The following ZNF160 variants were observed in gnomAD, a reference collection of about 807,000 sequenced individuals.
ZNF160 encodes the protein zinc finger protein 160.
ZNF160 carries 9 observed loss-of-function variants against 13.1 expected under a neutral mutation model. The observed-to-expected ratio is 0.69, with a 90% CI of 0.41 to 1.20. The LOEUF (loss-of-function observed/expected upper bound fraction) is 1.20. Ranked by LOEUF, ZNF160 falls within the 50% of genes most tolerant of loss-of-function variation. The pLI is 0.01. For missense variants in ZNF160, 838 were observed against 988.0 expected (o/e 0.85, Z 2.04); for synonymous variants, 293 against 333.2 (o/e 0.88, Z 1.31).
rs1385440409 is a variant in ZNF160, at chr19:53,067,989, C to A, written c.*88G>T. The A allele has an allele frequency of 1.6e-5, 24 of 1,505,788 alleles. No homozygotes were observed. In the African/African-American group the frequency reaches 2.6e-4, roughly 17 times the overall value. The allele number at this position is 1,505,788 out of a possible 1,614,324, so 93.3% of individuals were successfully genotyped here. A position where few individuals can be genotyped will look rare whatever the true frequency, so the allele number is the denominator to read the frequency against. ...AATGCTTCAACTCATGAGGGATTGG[C>A]CACTGTCACTACATTTGTAAGGATT... is the stretch of plus-strand genomic sequence containing the variant. On this transcript the variant is annotated 3_prime_UTR_variant, in exon 6 of 6. Transcript: ENST00000683776.
Position 53,069,486 on chromosome 19 carries a change from A to C in ZNF160, c.1048T>G (p.Phe350Val), listed in dbSNP as rs1338831757. 1 of 1,614,000 alleles carries C rather than the reference A, an allele frequency of 6.2e-7. No homozygotes were observed. The highest frequency in any genetic ancestry group is 2.2e-5 in the East Asian group (1 of 44,860). Residue 350 changes from phenylalanine to valine, a missense_variant, in exon 6 of 6, where the codon TTT (phenylalanine) becomes GTT (valine). By Grantham distance (50) the Phe-to-Val change is conservative. Coordinates refer to ENST00000683776, the MANE Select transcript of ZNF160 (RefSeq NM_001322131.2). The surrounding 1 kb of genome is among the most constrained non-coding windows in gnomAD (Gnocchi z 4.4). The part of the protein sequence containing the change: ...PYKCNECGKA[F>V]RGHSNLTTHQ... ...GTAGTTAGGTTTGAATGTCCTCTAA[A>C]GGCTTTTCCACACTCATTACACTTG...
intron 1 of ZNF160, among the ~76,000 whole-genome samples, chr19:53,103,061 C>T (rs1362840554): frequency 1.3e-5 from 2 of 152,054 alleles, no homozygotes; most frequent in African/African-American, 4.8e-5. Context: ...CCAGGGCAGG[C>T]GGTGAGGACT....
chr19:53,083,219 C>T (rs958545122), intron 3 of ZNF160, among the ~76,000 whole-genome samples: 5 of 152,122 alleles, frequency 3.3e-5, no homozygotes, highest in Admixed American at 1.3e-4. Context: ...ACTTAACCTT[C>T]GTCGCCTCTC....
At chr19:53,095,347 CCA>C (rs1333739050) in intron 1 of ZNF160, 2 of 151,604 alleles carry the variant, frequency 1.3e-5, no homozygotes, top group Non-Finnish European at 2.9e-5. Context: ...GAATCCGCTT[CCA>C]GTTTTCTCAC....
chr19:53,073,192 T>G (rs1230053756), intron 5 of ZNF160: 98 of 1,420,860 alleles, frequency 6.9e-5, no homozygotes, highest in Non-Finnish European at 8.7e-5. Flanking sequence ...TTTATTGGTT[T>G]AGATTCCAAA....
intron 4 of ZNF160, 46 bp downstream of exon 4, chr19:53,075,011 A>G (rs2084330595): frequency 6.2e-7 from 1 of 1,612,870 alleles, no homozygotes; most frequent in Admixed American, 1.7e-5. Flanking sequence ...AAAATGCAAC[A>G]ATAGACAAGA....
chr19:53,077,023 T>C (rs758868060), intron 3 of ZNF160: 1 of 152,112 alleles, frequency 6.6e-6, no homozygotes, highest in African/African-American at 2.4e-5. Flanking sequence ...AACACTGAAG[T>C]AACAGGACCC....
intron 3 of ZNF160, among the ~76,000 whole-genome samples, chr19:53,084,281 G>A (rs551707328): frequency 3.9e-5 from 6 of 152,220 alleles, no homozygotes; most frequent in Admixed American, 1.3e-4. Flanking sequence ...CCTCTCCTTA[G>A]TGCCATTCAT....
At chr19:53,086,947 T>C (rs2084858615) in intron 2 of ZNF160, among the ~76,000 whole-genome samples, 1 of 152,136 alleles carries the variant, frequency 6.6e-6, no homozygotes, top group Admixed American at 6.5e-5. Flanking sequence ...CCAGACTGGA[T>C]ATTGAAGGAG....
chr19:53,084,260 C>T (rs866502707), intron 3 of ZNF160, among the ~76,000 whole-genome samples: 1 of 152,364 alleles, frequency 6.6e-6, no homozygotes, highest in Middle Eastern at 3.4e-3. Context: ...GGGACACCCA[C>T]CTGCTCGCTT....
chr19:53,073,526 A>G (rs1248118639), intron 5 of ZNF160: 2 of 1,592,238 alleles, frequency 1.3e-6, no homozygotes, highest in East Asian at 2.2e-5. Flanking sequence ...CGCACAGGAA[A>G]TGGGGTGGAA....
At chr19:53,093,311 C>A (rs1048265076) in intron 1 of ZNF160, among the ~76,000 whole-genome samples, 11 of 152,070 alleles carry the variant, frequency 7.2e-5, no homozygotes, top group African/African-American at 2.7e-4. Context: ...GCGGTGGCAG[C>A]GCCTGTTATC....
Position 53,070,070 on chromosome 19 carries a change from A to C in ZNF160, c.464T>G (p.Val155Gly), listed in dbSNP as rs778750391. The change falls in exon 6 of 6, where the codon GTG (valine) becomes GGG (glycine). Residue 155 changes from valine (V) to glycine (G), a missense_variant. Physicochemically the swap from Val to Gly is moderately radical, Grantham distance 109. Around this residue, in one of 3 missense-constraint regions of ZNF160, gnomAD observed 387 missense variants for 402.3 expected, o/e 0.96. Transcript: ENST00000683776. ...TTTACCTTCTTTCTGGGCCATAAGC[A>C]CTCCCTTGTAATTTCCTGTGTCATC... ...WRDDTGNYKG[V>G]LMAQKEGKRD... The C allele has an allele frequency of 1.2e-6, 2 of 1,613,976 alleles. No homozygotes were observed. The highest frequency in any genetic ancestry group is 2.2e-5 in the East Asian group (1 of 44,850).
chr19:53,075,886 T>C, intron 3 of ZNF160: 1 of 504,344 alleles, frequency 2.0e-6, no homozygotes, highest in South Asian at 1.4e-5. Context: ...CATTAATGTG[T>C]GTGCGCTGTT....
At chr19:53,098,043 A>C (rs2085301229) in intron 1 of ZNF160, among the ~76,000 whole-genome samples, 1 of 152,144 alleles carries the variant, frequency 6.6e-6, no homozygotes, top group Non-Finnish European at 1.5e-5. Context: ...GAGTTTCCGA[A>C]TTAAATTCCT....
chr19:53,100,755 G>A (rs1329623646), intron 1 of ZNF160, among the ~76,000 whole-genome samples: 1 of 152,158 alleles, frequency 6.6e-6, no homozygotes, highest in Non-Finnish European at 1.5e-5. Context: ...AGCACTTTGG[G>A]AGGGATCACT....
chr19:53,097,333 C>T lies in ZNF160; in HGVS notation c.-353-5613G>A, dbSNP rs1867051. On this transcript the variant is annotated intron_variant, in intron 1 of 5. Coordinates refer to ENST00000683776, the MANE Select transcript of ZNF160 (RefSeq NM_001322131.2). Reference sequence around the variant, plus strand: ...CTCCCTCTTGAGTTGCACCCACAGACGCCCCCACAACAAACCCTCCCTAAT... The same window carrying T: ...CTCCCTCTTGAGTTGCACCCACAGATGCCCCCACAACAAACCCTCCCTAAT... 5.3e-3 allele frequency among the ~76,000 whole-genome samples: 794 copies of T among 148,620 alleles called. 3 individuals are homozygous for T. The highest frequency in any genetic ancestry group is 8.5e-3 in the Non-Finnish European group (573 of 67,336).
chr19:53,072,105 CT>C (rs66465576), intron 5 of ZNF160, among the ~76,000 whole-genome samples: 1,606 of 141,436 alleles, frequency 0.011, 12 homozygotes, highest in African/African-American at 0.031. Flanking sequence ...TTCTTTCTTT[CT>C]TTTTTTTTTT....
At chr19:53,098,436 C>T (rs1199207548) in intron 1 of ZNF160, among the ~76,000 whole-genome samples, 1 of 152,118 alleles carries the variant, frequency 6.6e-6, no homozygotes, top group Non-Finnish European at 1.5e-5. Flanking sequence ...GGACAGTGGG[C>T]CTCAAGTCTA....
Sources: gnomAD v4.1 joint callset for allele counts (sites outside exome capture counted in the v4.1 genomes callset) on GRCh38, gnomAD v4.1.1 for gene constraint, gnomAD v4.1.1 regional missense constraint, Gnocchi (gnomAD v3.1) non-coding constraint, MANE v1.5 for transcripts, NCBI Gene and HGNC (gene_info 2026-07-23, HGNC 2026-07-21) for gene names.